Variants in DENND3 observed in about 807,000 individuals in gnomAD.
The protein encoded by DENND3 is DENN domain containing 3, also known as DENN domain-containing protein 3.
Under a neutral mutation model 135.1 loss-of-function variants are expected in DENND3, and 88 were observed. That is an observed-to-expected ratio of 0.65 (90% confidence interval 0.55 to 0.78). The LOEUF is 0.78. DENND3 is among the 30% of genes least tolerant of loss of function. The pLI, the probability that DENND3 is intolerant of heterozygous loss-of-function variation, is 0.00. For synonymous variants in DENND3, 693 were observed against 712.3 expected (o/e 0.97, Z 0.43); for missense variants, 1,392 against 1,688.4 (o/e 0.82, Z 3.08).
rs140020779 is a variant in DENND3 at position 141,146,141 on chromosome 8, C to T, written c.735+1882C>T. ...GGATTACAGCGTGAGCCACCGCGCCCGCCCTGGATATTGTATTTCATTTGT... is the reference window on the plus strand; with the variant it reads ...GGATTACAGCGTGAGCCACCGCGCCTGCCCTGGATATTGTATTTCATTTGT... On this transcript the variant is annotated intron_variant, in intron 5 of 22. Transcript: ENST00000519811. The surrounding 1 kb of genome is among the most constrained non-coding windows in gnomAD (Gnocchi z 4.3). Among the ~76,000 whole-genome samples, 541 of 152,228 alleles carry T rather than the reference C, an allele frequency of 3.6e-3. 2 individuals carry two copies. Among genetic ancestry groups the T allele is most frequent in the African/African-American group, 0.012 (515 of 41,518 alleles).
rs766714811 is a variant in DENND3 at position 141,182,590 on chromosome 8, G to A, written c.2944+1736G>A. The A allele has an allele frequency of 2.7e-5, 19 of 706,718 alleles. No individual in the cohort carries two copies. Among genetic ancestry groups the A allele is most frequent in the Non-Finnish European group, 2.9e-5 (17 of 576,506 alleles). 43.8% of individuals were successfully genotyped at this position (706,718 alleles called of 1,614,324 possible). The stretch of plus-strand genomic sequence containing the variant: ...GCGGCTTCCCCTCCAGGAGCATCTC[G>A]AAGGCCTGCAGAGAGCGTGCAAAGC... On this transcript the variant is annotated intron_variant, in intron 17 of 22. Coordinates refer to ENST00000519811, the MANE Select transcript of DENND3 (RefSeq NM_001352890.3). This position sits in a 1 kb window ranked among gnomAD's most constrained non-coding sequence, Gnocchi z 5.9.
At chr8:141,172,151 CAT>C (rs981438756) in intron 13 of DENND3, among the ~76,000 whole-genome samples, 3 of 139,994 alleles carry the variant, frequency 2.1e-5, no homozygotes, top group African/African-American at 5.4e-5. Context: ...AGTGGGTGTG[CAT>C]AGTGACTGTG....
In DENND3 at chr8:141,194,212, C is replaced by T. The variant is rs139686756; in HGVS notation, c.3816C>T (p.Val1272=). Reference sequence around the variant, plus strand: ...GGTCGGGCAGGGAGGAGGGGAAAGTCGCCATTTGGAAAGGCGAATAAACGT... The same window carrying T: ...GGTCGGGCAGGGAGGAGGGGAAAGTTGCCATTTGGAAAGGCGAATAAACGT... The part of the protein sequence containing the change: ...LSGSGREEGK[V]AIWKGE The change falls in exon 23 of 23, where the codon GTC becomes GTT. Residue 1272 remains valine (V), a synonymous_variant. Transcript: ENST00000519811. 47 of 1,612,792 alleles carry T rather than the reference C, an allele frequency of 2.9e-5. No individual in the cohort carries two copies. The African/African-American group carries it at 4.1e-4, about 14-fold the overall frequency.
rs764382848 is a variant in DENND3, at chr8:141,190,425, C to T, written c.3379+8C>T. 55 of 1,602,706 alleles carry T rather than the reference C, an allele frequency of 3.4e-5. No individual in the cohort carries two copies. In the Admixed American group the frequency reaches 7.3e-4, roughly 21 times the overall value. The stretch of plus-strand genomic sequence containing the variant: ...GCGGCCGCCTGTGGTGCTGTAAGTC[C>T]GGCCCCTGCCATCAGAGCGGGCACC... On this transcript the variant is annotated splice_region_variant and intron_variant, in intron 20 of 22. Transcript: ENST00000519811.
Position 141,168,642 on chromosome 8 carries a change from C to T in DENND3, c.2275+117C>T, listed in dbSNP as rs930011041. 7 of 1,304,236 alleles carry T rather than the reference C, an allele frequency of 5.4e-6. No individual in the cohort carries two copies. In the African/African-American group the frequency reaches 1.0e-4, roughly 19 times the overall value. 80.8% of individuals were successfully genotyped at this position (1,304,236 alleles called of 1,614,324 possible). A position where few individuals can be genotyped will look rare whatever the true frequency, so the allele number is the denominator to read the frequency against. On this transcript the variant is annotated intron_variant, in intron 13 of 22. Coordinates refer to ENST00000519811, the MANE Select transcript of DENND3 (RefSeq NM_001352890.3). The surrounding 1 kb of genome is among the most constrained non-coding windows in gnomAD (Gnocchi z 6.2). ...CTCACTGCAACCTCCACCTCCTGGG[C>T]TCAAGCAGTCCTCCCACCTCAGCCT...
Position 141,146,971 on chromosome 8 carries a change from G to C in DENND3, c.735+2712G>C, listed in dbSNP as rs1818222349. ...GCAGTTTCAGGGTCAGCAGTAATGAGCTGCACTCGGCCTTTGAACATAAGG... is the reference window on the plus strand; with the variant it reads ...GCAGTTTCAGGGTCAGCAGTAATGACCTGCACTCGGCCTTTGAACATAAGG... On this transcript the variant is annotated intron_variant, in intron 5 of 22. Transcript: ENST00000519811. This position sits in a 1 kb window ranked among gnomAD's most constrained non-coding sequence, Gnocchi z 4.3. Among the ~76,000 whole-genome samples, 1 of 152,194 alleles carries C rather than the reference G, an allele frequency of 6.6e-6. No individual in the cohort carries two copies. The highest frequency in any genetic ancestry group is 2.4e-5 in the African/African-American group (1 of 41,444).
intron 14 of DENND3, chr8:141,176,303 A>C: frequency 3.4e-6 from 1 of 294,592 alleles, no homozygotes; most frequent in Non-Finnish European, 6.3e-6. Flanking sequence ...AAAAAAAACA[A>C]AAAGAGGGAG....
intron 22 of DENND3, 167 bp from the exon 23 acceptor site, chr8:141,193,866 G>A: frequency 2.8e-6 from 2 of 703,050 alleles, no homozygotes; most frequent in Non-Finnish European, 4.8e-6. Flanking sequence ...CCCGAGAAGG[G>A]TCCTGTGCAC....
At chr8:141,165,408 C>T in intron 11 of DENND3, 119 bp downstream of exon 11, 1 of 718,550 alleles carries the variant, frequency 1.4e-6, no homozygotes, top group South Asian at 1.8e-5. Context: ...TGCTTAGAAA[C>T]TCATGATGAA....
chr8:141,145,822 TATATATATATATATATATATATATA>T (rs1483812789), intron 5 of DENND3, among the ~76,000 whole-genome samples: 865 of 33,510 alleles, frequency 0.026, 76 homozygotes, highest in African/African-American at 0.12. Flanking sequence ...TATATATATA[TATATATATATATATATATATATATA>T]TATGTATTTT....
At chr8:141,152,890 C>T (rs751839512) in intron 7 of DENND3, among the ~76,000 whole-genome samples, 22 of 152,212 alleles carry the variant, frequency 1.4e-4, no homozygotes, top group Non-Finnish European at 2.2e-4. Flanking sequence ...CTAGCTTCTC[C>T]TAACGTCCGC....
At chr8:141,151,029 A>T (rs1335876813) in intron 6 of DENND3, 76 bp downstream of exon 6, 3 of 1,441,690 alleles carry the variant, frequency 2.1e-6, no homozygotes, top group Non-Finnish European at 2.7e-6. Context: ...ATCAGAGATG[A>T]TGAAGATGCG....
rs186577560 is a variant in DENND3 at position 141,188,894 on chromosome 8, C to T, written c.3085-92C>T. The T allele has an allele frequency of 4.9e-3, 7,218 of 1,484,650 alleles. 24 individuals carry two copies. Among genetic ancestry groups the T allele is most frequent in the Middle Eastern group, 7.7e-3 (44 of 5,708 alleles). 92.0% of individuals were successfully genotyped at this position (1,484,650 alleles called of 1,614,324 possible). Reference sequence around the variant, plus strand: ...CCCCTAGGAGCAGTGGTTCCATATCCGCTAATTCAGCACGTGCAGTAAATG... The same window carrying T: ...CCCCTAGGAGCAGTGGTTCCATATCTGCTAATTCAGCACGTGCAGTAAATG... On this transcript the variant is annotated intron_variant, in intron 18 of 22. Coordinates refer to ENST00000519811, the MANE Select transcript of DENND3 (RefSeq NM_001352890.3).
chr8:141,135,887 T>G (rs1006512918), intron 1 of DENND3, among the ~76,000 whole-genome samples: 4 of 152,270 alleles, frequency 2.6e-5, no homozygotes, highest in Non-Finnish European at 5.9e-5. Context: ...ATGTCTCATC[T>G]GTACCCACCA....
At chr8:141,150,747 C>T in intron 5 of DENND3, 87 bp from the exon 6 acceptor site, 1 of 1,451,622 alleles carries the variant, frequency 6.9e-7, no homozygotes, top group Non-Finnish European at 9.1e-7. Flanking sequence ...ACTCTGATGC[C>T]CTGGGCACCG....
rs1825240146 is a variant in DENND3 at position 141,195,676 on chromosome 8, T to C, written c.*1443T>C. ...GCTCTGGAGAGGTTGGATTTTGCTT[T>C]TGTAAACACATGAATCCTTATGATA... On this transcript the variant is annotated 3_prime_UTR_variant, in exon 23 of 23. Coordinates refer to ENST00000519811, the MANE Select transcript of DENND3 (RefSeq NM_001352890.3). 1.3e-5 allele frequency: 2 copies of C among 152,240 alleles called. No individual in the cohort carries two copies. Among genetic ancestry groups the C allele is most frequent in the South Asian group, 4.1e-4 (2 of 4,834 alleles). 9.4% of individuals were successfully genotyped at this position (152,240 alleles called of 1,614,324 possible). A position where few individuals can be genotyped will look rare whatever the true frequency, so the allele number is the denominator to read the frequency against.
At chr8:141,155,715 C>T in intron 7 of DENND3, 134 bp from the exon 8 acceptor site, 1 of 1,192,392 alleles carries the variant, frequency 8.4e-7, no homozygotes, top group Non-Finnish European at 1.1e-6. Context: ...CCTATGTGTG[C>T]ATTTTAAAGA....
intron 1 of DENND3, among the ~76,000 whole-genome samples, chr8:141,131,178 C>G (rs190349643): frequency 1.3e-5 from 2 of 151,824 alleles, no homozygotes; most frequent in Admixed American, 6.6e-5. Context: ...GAATGGTGAC[C>G]GAGACTTTGA....
intron 17 of DENND3, among the ~76,000 whole-genome samples, chr8:141,183,756 TA>T (rs112359893): frequency 3.9e-4 from 55 of 140,220 alleles, no homozygotes; most frequent in Non-Finnish European, 5.4e-4. Flanking sequence ...TTTTTTAATT[TA>T]AAAAAAAAAA....
Sources: gnomAD v4.1 joint callset for allele counts (sites outside exome capture counted in the v4.1 genomes callset) on GRCh38, gnomAD v4.1.1 for gene constraint, Gnocchi (gnomAD v3.1) non-coding constraint, MANE v1.5 for transcripts, NCBI Gene and HGNC (gene_info 2026-07-23, HGNC 2026-07-21) for gene names.